Variants in SPTB observed in about 807,000 individuals in gnomAD.
SPTB encodes the protein spectrin beta, erythrocytic, also known as spectrin beta chain, erythrocytic.
A neutral mutation model predicts 256.2 loss-of-function variants in SPTB; 45 were observed. That is an observed-to-expected ratio of 0.18 (90% CI 0.14 to 0.23). The LOEUF is 0.23. SPTB is among the 10% of genes least tolerant of loss of function. The pLI is 1.00. For synonymous variants in SPTB, 1,231 were observed against 1,243.1 expected (o/e 0.99, Z 0.21); for missense variants, 2,715 against 3,040.4 (o/e 0.89, Z 2.52).
chr14:64,748,823 G>A lies in SPTB; in HGVS notation c.*483C>T, dbSNP rs2081891244. ...CTAGGGGGCTGGCCATGCATTTCCA[G>A]TGTCTTCTTCCTTTCCCCTTTCCCT... On this transcript the variant is annotated 3_prime_UTR_variant, in exon 36 of 36. Transcript: ENST00000644917. The A allele has an allele frequency of 6.1e-6, 1 of 164,140 alleles. No homozygotes were observed. The allele number at this position is 164,140 out of a possible 1,614,324, so 10.2% of individuals were successfully genotyped here.
chr14:64,749,364 G>C lies in SPTB; in HGVS notation c.6929C>G (p.Ala2310Gly). The part of the protein sequence containing the change: ...LPLPSLSGPD[A>G]SLGKKDKEKR... ...CTCCTTGTCTTTCTTGCCGAGGCTGGCGTCGGGGCCGGAGAGGGAAGGCAG... is the reference window on the plus strand; with the variant it reads ...CTCCTTGTCTTTCTTGCCGAGGCTGCCGTCGGGGCCGGAGAGGGAAGGCAG... The change falls in exon 36 of 36, where the codon GCC (alanine) becomes GGC (glycine). Residue 2310 changes from alanine to glycine, a missense_variant. By Grantham distance (60) the Ala-to-Gly change is moderately conservative. Coordinates refer to ENST00000644917, the MANE Select transcript of SPTB (RefSeq NM_001355436.2). The surrounding 1 kb of genome is among the most constrained non-coding windows in gnomAD (Gnocchi z 4.7). The C allele has an allele frequency of 6.2e-7, 1 of 1,610,716 alleles. No homozygotes were observed. Among genetic ancestry groups the C allele is most frequent in the East Asian group, 2.2e-5 (1 of 44,882 alleles).
intron 2 of SPTB, among the ~76,000 whole-genome samples, chr14:64,822,366 T>TAGTAGAAATGGCTTCTC (rs2083304586): frequency 1.3e-3 from 1 of 784 alleles, no homozygotes; most frequent in African/African-American, 7.6e-3. Flanking sequence ...TCTCTCTCTC[T>TAGTAGAAATGGCTTCTC]CTCTCTCTCA....
At chr14:64,854,125 G>A (rs1362641365) in intron 1 of SPTB, among the ~76,000 whole-genome samples, 1 of 151,456 alleles carries the variant, frequency 6.6e-6, no homozygotes, top group Non-Finnish European at 1.5e-5. Context: ...CCAGGAGGCA[G>A]AAGTTGCAGT....
In SPTB at chr14:64,804,861, T is replaced by C. The variant is rs182742931; in HGVS notation, c.300+78A>G. On this transcript the variant is annotated intron_variant, in intron 3 of 35. Coordinates refer to ENST00000644917, the MANE Select transcript of SPTB (RefSeq NM_001355436.2). The stretch of plus-strand genomic sequence containing the variant: ...AGAAAACTGGGAAGGCCAGGAGAAC[T>C]TGAGATGCCCCCAAACCATGCCTTT... The C allele has an allele frequency of 1.1e-5, 18 of 1,592,868 alleles. 1 individual carries two copies. In the East Asian group the frequency reaches 2.0e-4, roughly 18 times the overall value.
chr14:64,770,775 G>C, intron 27 of SPTB, 110 bp downstream of exon 27: 2 of 1,528,088 alleles, frequency 1.3e-6, no homozygotes, highest in Middle Eastern at 2.1e-4. Context: ...TTCATGGAAC[G>C]ATAGTCCAGG....
intron 6 of SPTB, 118 bp downstream of exon 6, chr14:64,801,636 G>T: frequency 9.1e-7 from 1 of 1,104,000 alleles, no homozygotes; most frequent in Non-Finnish European, 1.4e-6. Flanking sequence ...TGCTGAAGGG[G>T]AGAGGAGAAG....
At chr14:64,839,882 G>A (rs1292435351) in intron 1 of SPTB, among the ~76,000 whole-genome samples, 5 of 152,180 alleles carry the variant, frequency 3.3e-5, no homozygotes, top group African/African-American at 7.2e-5. Context: ...TTCAGAGGCA[G>A]AGAGAATACT....
intron 33 of SPTB, among the ~76,000 whole-genome samples, chr14:64,751,946 T>TAAAAAAAAAAAAAAAAAAAAAAAA (rs1566731898): frequency 3.1e-4 from 28 of 90,470 alleles, no homozygotes; most frequent in African/African-American, 7.0e-4. Flanking sequence ...AAAAAAAAAT[T>TAAAAAAAAAAAAAAAAAAAAAAAA]AGCCAGGCGT....
At chr14:64,808,268 T>G (rs868063912) in intron 2 of SPTB, among the ~76,000 whole-genome samples, 2 of 152,196 alleles carry the variant, frequency 1.3e-5, no homozygotes, top group African/African-American at 4.8e-5. Flanking sequence ...TGTCTTGACC[T>G]CTCAAAGTGC....
chr14:64,779,087 G>A lies in SPTB; in HGVS notation c.4563+70C>T, dbSNP rs2082415312. 2 of 1,258,588 alleles carry A rather than the reference G, an allele frequency of 1.6e-6. No individual in the cohort carries two copies. Among genetic ancestry groups the A allele is most frequent in the African/African-American group, 1.5e-5 (1 of 65,624 alleles). The allele number at this position is 1,258,588 out of a possible 1,614,324, so 78.0% of individuals were successfully genotyped here. A position where few individuals can be genotyped will look rare whatever the true frequency, so the allele number is the denominator to read the frequency against. On this transcript the variant is annotated intron_variant, in intron 22 of 35. Coordinates refer to ENST00000644917, the MANE Select transcript of SPTB (RefSeq NM_001355436.2). This position sits in a 1 kb window ranked among gnomAD's most constrained non-coding sequence, Gnocchi z 4.2. ...CTAGCCTTCTGCAGGTCAGGGCTGG[G>A]CCTACCCCCGTGGGGCCAGGTGGGG...
In SPTB at chr14:64,786,153, C is replaced by T. The variant is rs1019314523; in HGVS notation, c.3562-202G>A. The stretch of plus-strand genomic sequence containing the variant: ...CACACAATAAACAGTGTGCCTAAAG[C>T]CACATGGAAGGCTAACCACCCAGGG... On this transcript the variant is annotated intron_variant, in intron 16 of 35. Coordinates refer to ENST00000644917, the MANE Select transcript of SPTB (RefSeq NM_001355436.2). This position sits in a 1 kb window ranked among gnomAD's most constrained non-coding sequence, Gnocchi z 5.6. 3.9e-5 allele frequency among the ~76,000 whole-genome samples: 6 copies of T among 152,118 alleles called. No individual in the cohort carries two copies. The East Asian group carries it at 5.8e-4, about 15-fold the overall frequency.
rs924854174 is a variant in SPTB at position 64,866,839 on chromosome 14, A to G, written c.-52+12953T>C. 5.3e-5 allele frequency among the ~76,000 whole-genome samples: 8 copies of G among 152,198 alleles called. No homozygotes were observed. Among genetic ancestry groups the G allele is most frequent in the Non-Finnish European group, 1.0e-4 (7 of 68,036 alleles). ...ATAAACAGATTAACTGTACCCAGAA[A>G]AATAAAACCTCTATACAGGAATTTT... is the stretch of plus-strand genomic sequence containing the variant. On this transcript the variant is annotated intron_variant, in intron 1 of 35. Coordinates refer to ENST00000644917, the MANE Select transcript of SPTB (RefSeq NM_001355436.2). This position sits in a 1 kb window ranked among gnomAD's most constrained non-coding sequence, Gnocchi z 4.6.
chr14:64,813,253 G>C (rs1012904309), intron 2 of SPTB, among the ~76,000 whole-genome samples: 1 of 152,164 alleles, frequency 6.6e-6, no homozygotes, highest in Admixed American at 6.5e-5. Flanking sequence ...GGGACTAATA[G>C]ATGAAAAGTC....
At chr14:64,788,920 A>G (rs555124604) in intron 15 of SPTB, among the ~76,000 whole-genome samples, 2 of 152,348 alleles carry the variant, frequency 1.3e-5, no homozygotes, top group East Asian at 3.9e-4. Flanking sequence ...ACATTCATCA[A>G]GTGTTTGAAT....
intron 2 of SPTB, among the ~76,000 whole-genome samples, chr14:64,822,708 G>A (rs2083314783): frequency 6.6e-6 from 1 of 152,156 alleles, no homozygotes; most frequent in Non-Finnish European, 1.5e-5. Context: ...AGAGGCAGAG[G>A]GCAGGCCCCA....
At position 64,799,886 on chromosome 14, in the gene SPTB, C is replaced by T. The variant is rs199658725; in HGVS notation, c.925G>A (p.Gly309Arg). ...CAGGTGAGCAGGTCCGAGGCTAGCCCGCTGTACTTTTCAATCATCTTCTCA... is the reference window on the plus strand; with the variant it reads ...CAGGTGAGCAGGTCCGAGGCTAGCCTGCTGTACTTTTCAATCATCTTCTCA... ...ETEKMIEKYS[G>R]LASDLLTWIE... is the part of the protein sequence containing the mutation. The change falls in exon 9 of 36, where the codon GGG (glycine) becomes AGG (arginine). Residue 309 changes from glycine (G) to arginine (R), a missense_variant. By Grantham distance (125) the Gly-to-Arg change is moderately radical (BLOSUM62 -2). Transcript: ENST00000644917. 1.9e-4 allele frequency: 311 copies of T among 1,614,224 alleles called. 2 individuals carry two copies. The Middle Eastern group carries it at 2.6e-3, about 14-fold the overall frequency.
At position 64,775,448 on chromosome 14, in the gene SPTB, C is replaced by T. The variant is rs777530869; in HGVS notation, c.4564-45G>A. On this transcript the variant is annotated intron_variant, in intron 22 of 35. Transcript: ENST00000644917. The surrounding 1 kb of genome is among the most constrained non-coding windows in gnomAD (Gnocchi z 5.0). ...CTCGGGGCAGGGCCTTCCCACCATG[C>T]GGGGGAGGCTGCTTCAGCAGTGGCA... The T allele has an allele frequency of 2.5e-5, 40 of 1,586,432 alleles. No individual in the cohort carries two copies. Among genetic ancestry groups the T allele is most frequent in the Middle Eastern group, 1.8e-4 (1 of 5,676 alleles).
chr14:64,755,984 G>A (rs577196974), intron 32 of SPTB: 55 of 152,324 alleles, frequency 3.6e-4, no homozygotes, highest in African/African-American at 1.3e-3. Context: ...CTGACAGTAA[G>A]GGAGAGTCCC....
At position 64,773,571 on chromosome 14, in the gene SPTB, G is replaced by A. The variant is rs1163972813; in HGVS notation, c.4974-147C>T. On this transcript the variant is annotated intron_variant, in intron 24 of 35. Transcript: ENST00000644917. Reference sequence around the variant, plus strand: ...TGGAGAAATGACAGGGGCTTTGCCGGGGAAGAGCTGGGGAGAGAAGGGGCC... The same window carrying A: ...TGGAGAAATGACAGGGGCTTTGCCGAGGAAGAGCTGGGGAGAGAAGGGGCC... The A allele has an allele frequency of 7.0e-6, 6 of 851,604 alleles. No homozygotes were observed. In the African/African-American group the frequency reaches 1.0e-4, roughly 14 times the overall value. 52.8% of individuals were successfully genotyped at this position (851,604 alleles called of 1,614,324 possible).
Sources: allele counts gnomAD v4.1 joint callset (sites outside exome capture counted in the v4.1 genomes callset), GRCh38; gene constraint gnomAD v4.1.1; non-coding constraint Gnocchi (gnomAD v3.1); transcripts MANE v1.5; gene names NCBI Gene and HGNC (gene_info 2026-07-23, HGNC 2026-07-21).